ARHGEF37: variants seen among roughly 807,000 people sequenced by gnomAD.
The protein encoded by ARHGEF37 is Rho guanine nucleotide exchange factor 37, also known as Rho guanine nucleotide exchange factor (GEF) 37.
ARHGEF37 carries 55 observed loss-of-function variants against 71.1 expected under a neutral mutation model. The ratio of observed to expected loss-of-function variants is 0.77; its 90% CI spans 0.62 to 0.97. The LOEUF is 0.97. Ranked by LOEUF, ARHGEF37 falls within the 50% of genes least tolerant of loss-of-function variation. The pLI is 0.00. For synonymous variants in ARHGEF37, 327 were observed against 350.6 expected (o/e 0.93, Z 0.75); for missense variants, 765 against 836.8 (o/e 0.91, Z 1.06).
At chr5:149,570,807 C>T (rs1408913584) in intron 1 of ARHGEF37, among the ~76,000 whole-genome samples, 3 of 150,648 alleles carry the variant, frequency 2.0e-5, no homozygotes, top group East Asian at 2.0e-4. Flanking sequence ...ACCCGGGAGG[C>T]GGAGGTTGCA....
At chr5:149,566,196 C>A (rs185956543) in intron 1 of ARHGEF37, among the ~76,000 whole-genome samples, 2 of 151,322 alleles carry the variant, frequency 1.3e-5, no homozygotes, top group Non-Finnish European at 2.9e-5. Context: ...ACTCATTGAA[C>A]CTTCAAAAAC....
intron 5 of ARHGEF37, among the ~76,000 whole-genome samples, 174 bp from the exon 6 acceptor site, chr5:149,618,002 G>GGCTCACACCTCAGACAGA (rs1752424642): frequency 6.6e-6 from 1 of 152,274 alleles, no homozygotes; most frequent in South Asian, 2.1e-4. Flanking sequence ...CTTCAGCCAG[G>GGCTCACACCTCAGACAGA]GCTCACACCT....
Position 149,601,146 on chromosome 5 carries a change from T to A in ARHGEF37, c.225T>A (p.Ile75=). ...QGDLDVLFSN[I]DDIIKVNSRF... ...ATCTGGATGTCCTGTTCTCAAACAT[T>A]GATGATATCATCAAAGTGAACAGCA... Residue 75 remains isoleucine, a synonymous_variant, in exon 3 of 13, where the codon ATT becomes ATA. Coordinates refer to ENST00000333677, the MANE Select transcript of ARHGEF37 (RefSeq NM_001001669.3). 6.2e-7 allele frequency: 1 copy of A among 1,613,188 alleles called. No homozygotes were observed. The highest frequency in any genetic ancestry group is 8.5e-7 in the Non-Finnish European group (1 of 1,179,238).
chr5:149,557,800 T>C (rs765377255), intron 1 of ARHGEF37, among the ~76,000 whole-genome samples: 4 of 152,232 alleles, frequency 2.6e-5, no homozygotes, highest in Non-Finnish European at 5.9e-5. Flanking sequence ...TGAATATATT[T>C]ATTCTTTTGA....
In ARHGEF37 at chr5:149,634,129, C is replaced by A. The variant is rs1309287644; in HGVS notation, c.*1938C>A. On this transcript the variant is annotated 3_prime_UTR_variant, in exon 13 of 13. Transcript: ENST00000333677. ...CTGGCAGAATCCAGGCTCCGTCCCA[C>A]CCAGAGATTCTGATGAAATTGGTTT... is the stretch of plus-strand genomic sequence containing the variant. The A allele has an allele frequency of 6.6e-6, 1 of 152,218 alleles. No individual in the cohort carries two copies. The highest frequency in any genetic ancestry group is 1.5e-5 in the Non-Finnish European group (1 of 68,032). 9.4% of individuals were successfully genotyped at this position (152,218 alleles called of 1,614,324 possible). A position where few individuals can be genotyped will look rare whatever the true frequency, so the allele number is the denominator to read the frequency against.
intron 1 of ARHGEF37, among the ~76,000 whole-genome samples, chr5:149,559,937 C>G (rs1762807569): frequency 6.6e-6 from 1 of 152,126 alleles, no homozygotes; most frequent in Non-Finnish European, 1.5e-5. Context: ...TAACAAGACA[C>G]ATTTGTTGCC....
At chr5:149,571,651 T>C in intron 1 of ARHGEF37, among the ~76,000 whole-genome samples, 1 of 152,142 alleles carries the variant, frequency 6.6e-6, no homozygotes. Flanking sequence ...CCAGGCACAG[T>C]GGTGCATGCC....
upstream of ARHGEF37, among the ~76,000 whole-genome samples, chr5:149,579,920 A>G (rs1763076163): frequency 6.6e-6 from 1 of 152,044 alleles, no homozygotes; most frequent in Non-Finnish European, 1.5e-5. Flanking sequence ...AAATTGTTAG[A>G]AAAGTTCTTC....
intron 4 of ARHGEF37, among the ~76,000 whole-genome samples, chr5:149,613,405 G>A (rs1752258755): frequency 1.3e-5 from 2 of 149,922 alleles, no homozygotes; most frequent in Admixed American, 1.3e-4. Flanking sequence ...GGAGTGCAGT[G>A]GTGCAATCTC....
At position 149,632,302 on chromosome 5, in the gene ARHGEF37, A is replaced by G; in HGVS notation, c.*111A>G. Reference sequence around the variant, plus strand: ...TGGAGGTGGAAGGGAAGACCAGGCCAGGGTGGGTGAAGCACACTCAGGAGG... The same window carrying G: ...TGGAGGTGGAAGGGAAGACCAGGCCGGGGTGGGTGAAGCACACTCAGGAGG... On this transcript the variant is annotated 3_prime_UTR_variant, in exon 13 of 13. Coordinates refer to ENST00000333677, the MANE Select transcript of ARHGEF37 (RefSeq NM_001001669.3). 1 of 1,271,304 alleles carries G rather than the reference A, an allele frequency of 7.9e-7. No homozygotes were observed. The highest frequency in any genetic ancestry group is 1.1e-6 in the Non-Finnish European group (1 of 923,946). The allele number at this position is 1,271,304 out of a possible 1,614,324, so 78.8% of individuals were successfully genotyped here. A position where few individuals can be genotyped will look rare whatever the true frequency, so the allele number is the denominator to read the frequency against.
intron 1 of ARHGEF37, among the ~76,000 whole-genome samples, chr5:149,553,799 A>G (rs1762716562): frequency 6.6e-6 from 1 of 152,182 alleles, no homozygotes; most frequent in Non-Finnish European, 1.5e-5. Flanking sequence ...CTTTTCACAT[A>G]TGTGTCATTA....
chr5:149,557,563 T>C (rs1273380503), intron 1 of ARHGEF37, among the ~76,000 whole-genome samples: 1 of 152,116 alleles, frequency 6.6e-6, no homozygotes, highest in Non-Finnish European at 1.5e-5. Flanking sequence ...CACTGCAGCG[T>C]TAAACTCCTA....
intron 1 of ARHGEF37, among the ~76,000 whole-genome samples, chr5:149,566,536 C>T (rs1175314728): frequency 7.0e-6 from 1 of 143,054 alleles, no homozygotes; most frequent in Non-Finnish European, 1.5e-5. Context: ...AACCAAACAA[C>T]AACAACAACA....
chr5:149,566,576 G>A (rs540652821), intron 1 of ARHGEF37, among the ~76,000 whole-genome samples: 24 of 143,546 alleles, frequency 1.7e-4, no homozygotes, highest in Admixed American at 1.6e-3. Flanking sequence ...TGGGGGTATC[G>A]TTATCACCCC....
chr5:149,588,616 G>T (rs1763309116), intron 1 of ARHGEF37, among the ~76,000 whole-genome samples: 2 of 152,224 alleles, frequency 1.3e-5, no homozygotes, highest in Admixed American at 1.3e-4. Flanking sequence ...CTTCAACAGG[G>T]TCCTTTGCTC....
intron 3 of ARHGEF37, among the ~76,000 whole-genome samples, chr5:149,602,765 T>A (rs1206896197): frequency 1.3e-5 from 2 of 152,062 alleles, no homozygotes; most frequent in Non-Finnish European, 2.9e-5. Flanking sequence ...AGTCAGGAGA[T>A]ATAGGTGAAT....
chr5:149,618,962 T>A lies in ARHGEF37; in HGVS notation c.814T>A (p.Leu272Ile). ...GACAGAAGACAAGGAATTTGATGAT[T>A]TAGAAGAGAGGTTCCAGTGGGTGTC... is the stretch of plus-strand genomic sequence containing the variant. ...PRTEDKEFDD[L>I]EERFQWVSLC... Residue 272 changes from leucine (L) to isoleucine (I), a missense_variant, in exon 7 of 13, where the codon TTA becomes ATA. Leu to Ile is a conservative substitution (Grantham distance 5). Coordinates refer to ENST00000333677, the MANE Select transcript of ARHGEF37 (RefSeq NM_001001669.3). The A allele has an allele frequency of 6.2e-7, 1 of 1,614,112 alleles. No individual in the cohort carries two copies. The highest frequency in any genetic ancestry group is 8.5e-7 in the Non-Finnish European group (1 of 1,179,964).
At chr5:149,588,073 A>G (rs1763290624) in intron 1 of ARHGEF37, among the ~76,000 whole-genome samples, 1 of 150,088 alleles carries the variant, frequency 6.7e-6, no homozygotes, top group South Asian at 2.1e-4. Context: ...ATTTTTTTGT[A>G]TTGTTAGTAG....
At chr5:149,552,192 A>G (rs895470730) in intron 1 of ARHGEF37, 8 of 149,944 alleles carry the variant, frequency 5.3e-5, no homozygotes, top group African/African-American at 2.0e-4. Flanking sequence ...AAGAGTGAAA[A>G]AACTGTTATG....
Sources: gnomAD v4.1 joint callset for allele counts (sites outside exome capture counted in the v4.1 genomes callset) on GRCh38, gnomAD v4.1.1 for gene constraint, MANE v1.5 for transcripts, NCBI Gene and HGNC (gene_info 2026-07-23, HGNC 2026-07-21) for gene names.